Variants in SVEP1 observed in about 807,000 individuals in gnomAD.
The protein encoded by SVEP1 is sushi, von Willebrand factor type A, EGF and pentraxin domain-containing protein 1.
In SVEP1, 164 loss-of-function variants were observed where a neutral mutation model predicts 367.3. The ratio of observed to expected loss-of-function variants is 0.45; its 90% CI spans 0.39 to 0.51. The LOEUF is 0.51. SVEP1 is among the 20% of genes least tolerant of loss of function. The pLI, the probability that SVEP1 is intolerant of heterozygous loss-of-function variation, is 0.00. For missense variants in SVEP1, 4,117 were observed against 4,425.3 expected (o/e 0.93, Z 1.98); for synonymous variants, 1,666 against 1,611.6 (o/e 1.03, Z -0.81).
chr9:110,387,344 G>A lies in SVEP1; in HGVS notation c.10001C>T (p.Pro3334Leu), dbSNP rs1827541086. 1 of 1,613,028 alleles carries A rather than the reference G, an allele frequency of 6.2e-7. No homozygotes were observed. Among genetic ancestry groups the A allele is most frequent in the Non-Finnish European group, 8.5e-7 (1 of 1,179,654 alleles). ...SCNRGYSLEG[P>L]SEAHCTENGT... ...ATTTTCTGTGCAGTGTGCCTCAGAT[G>A]GCCCTTCAAGACTGTAGCCTCTGTT... Residue 3334 changes from proline to leucine, a missense_variant, in exon 42 of 48, where the codon CCA becomes CTA. Pro to Leu is a moderately conservative substitution (Grantham distance 98). This residue lies in a region of SVEP1 where 1,765 missense variants were observed against 1,781.1 expected (regional missense o/e 0.99). Transcript: ENST00000374469.
At chr9:110,548,990 T>C (rs1830252030) in intron 2 of SVEP1, among the ~76,000 whole-genome samples, 1 of 152,138 alleles carries the variant, frequency 6.6e-6, no homozygotes, top group South Asian at 2.1e-4. Context: ...GAAACTCCAG[T>C]AGAGCTAACC....
At chr9:110,412,911 G>A (rs1374966192) in intron 36 of SVEP1, among the ~76,000 whole-genome samples, 5 of 151,262 alleles carry the variant, frequency 3.3e-5, no homozygotes, top group Non-Finnish European at 5.9e-5. Flanking sequence ...GAGAGGATGT[G>A]GAGAAATAGG....
intron 1 of SVEP1, among the ~76,000 whole-genome samples, chr9:110,552,451 CATTAT>C (rs1015334910): frequency 1.3e-5 from 2 of 152,118 alleles, no homozygotes; most frequent in Non-Finnish European, 2.9e-5. Flanking sequence ...GATTCAAGCA[CATTAT>C]ATTTATTGTG....
Position 110,408,071 on chromosome 9 carries a change from G to C in SVEP1, c.7529C>G (p.Ser2510Cys). The change falls in exon 38 of 48, where the codon TCT (serine) becomes TGT (cysteine). Residue 2510 changes from serine (S) to cysteine (C), a missense_variant. Ser to Cys is a moderately radical substitution (Grantham distance 112). Transcript: ENST00000374469. ...CTGTCCATAGTGTAGGTCCGTGTAAGAGAATTTGCCATTCAAAATCTCCTT... is the reference window on the plus strand; with the variant it reads ...CTGTCCATAGTGTAGGTCCGTGTAACAGAATTTGCCATTCAAAATCTCCTT... ...KPKEILNGKF[S>C]YTDLHYGQTV... is the part of the protein sequence containing the mutation. 6.2e-7 allele frequency: 1 copy of C among 1,613,416 alleles called. No individual in the cohort carries two copies. Among genetic ancestry groups the C allele is most frequent in the Non-Finnish European group, 8.5e-7 (1 of 1,179,722 alleles).
chr9:110,488,069 G>A (rs1034357932), intron 9 of SVEP1, among the ~76,000 whole-genome samples: 4 of 152,168 alleles, frequency 2.6e-5, no homozygotes, highest in Non-Finnish European at 4.4e-5. Flanking sequence ...GGAGAGAATG[G>A]GACAAACTTC....
intron 37 of SVEP1, among the ~76,000 whole-genome samples, chr9:110,410,068 G>A (rs1487694665): frequency 8.3e-6 from 1 of 120,502 alleles, no homozygotes; most frequent in Non-Finnish European, 1.6e-5. Context: ...ATTAATAAAT[G>A]AACACCTCTC....
chr9:110,514,188 A>C (rs965783264), intron 3 of SVEP1, 82 bp from the exon 4 acceptor site: 2 of 1,519,278 alleles, frequency 1.3e-6, no homozygotes, highest in Admixed American at 3.9e-5. Flanking sequence ...TTAATATGGG[A>C]GAGAAAGCCA....
intron 10 of SVEP1, 137 bp from the exon 11 acceptor site, chr9:110,482,629 C>G: frequency 1.0e-6 from 1 of 975,724 alleles, no homozygotes; most frequent in Non-Finnish European, 1.4e-6. Context: ...CAGGCTCAAG[C>G]GATTCTCCTG....
At chr9:110,446,460 G>A (rs1453258541) in intron 25 of SVEP1, among the ~76,000 whole-genome samples, 1 of 152,182 alleles carries the variant, frequency 6.6e-6, no homozygotes, top group Non-Finnish European at 1.5e-5. Context: ...CCTATTTCAT[G>A]AGCAATTCAG....
chr9:110,541,409 T>C (rs1830143098), intron 3 of SVEP1, among the ~76,000 whole-genome samples: 7 of 152,114 alleles, frequency 4.6e-5, no homozygotes. Context: ...AAAAGTGTAT[T>C]CCACCTTTAG....
At position 110,471,357 on chromosome 9, in the gene SVEP1, G is replaced by C. The variant is rs746398464; in HGVS notation, c.2998+7C>G. ...CAAATATTTTTGATCACAGGGAACA[G>C]TCTTACCACACATACGCCCTCTCAG... On this transcript the variant is annotated splice_region_variant and intron_variant, in intron 16 of 47. Transcript: ENST00000374469. 2.5e-6 allele frequency: 4 copies of C among 1,612,474 alleles called. No homozygotes were observed. The highest frequency in any genetic ancestry group is 3.4e-6 in the Non-Finnish European group (4 of 1,178,816).
intron 1 of SVEP1, among the ~76,000 whole-genome samples, chr9:110,558,127 C>A (rs78800456): frequency 0.08 from 12,150 of 151,794 alleles, 516 homozygotes; most frequent in Non-Finnish European, 0.099. Context: ...CTAGAGAAGG[C>A]CTATGAAAAT....
intron 40 of SVEP1, among the ~76,000 whole-genome samples, chr9:110,397,278 T>C (rs1403490448): frequency 1.3e-5 from 2 of 152,230 alleles, no homozygotes; most frequent in African/African-American, 2.4e-5. Flanking sequence ...AAAAGGCCTT[T>C]GACAAAATTC....
intron 1 of SVEP1, among the ~76,000 whole-genome samples, chr9:110,557,399 G>A (rs1471450186): frequency 6.7e-6 from 1 of 149,174 alleles, no homozygotes; most frequent in East Asian, 2.2e-4. Flanking sequence ...ATTTTAATCT[G>A]TTGTTTATCT....
intron 29 of SVEP1, 98 bp from the exon 30 acceptor site, chr9:110,434,604 A>G: frequency 9.3e-7 from 1 of 1,080,242 alleles, no homozygotes; most frequent in Non-Finnish European, 1.2e-6. Flanking sequence ...AGCATTTGAG[A>G]GCCACCTTAC....
intron 3 of SVEP1, among the ~76,000 whole-genome samples, chr9:110,536,988 T>C (rs76775870): frequency 0.029 from 4,374 of 152,098 alleles, 99 homozygotes; most frequent in Non-Finnish European, 0.046. Context: ...AGTGAATGAT[T>C]GCGATGATTG....
intron 3 of SVEP1, among the ~76,000 whole-genome samples, chr9:110,531,954 T>A (rs969781573): frequency 3.3e-5 from 5 of 152,158 alleles, no homozygotes; most frequent in African/African-American, 1.2e-4. Flanking sequence ...AACTCAGCCT[T>A]CCAGATGGCT....
intron 1 of SVEP1, among the ~76,000 whole-genome samples, chr9:110,572,789 C>CAAAA (rs56077443): frequency 4.1e-4 from 31 of 76,516 alleles, no homozygotes; most frequent in East Asian, 4.0e-3. Flanking sequence ...CTCTCTCTCA[C>CAAAA]AAAAAAAAAA....
rs182713333 is a variant in SVEP1, at chr9:110,508,508, T to C, written c.1303+4418A>G. ...CGGGTGCGGTGGCTCACGCCTGTAATCCCGGCACTTTGGGAGGCTGAGGCG... is the reference window on the plus strand; with the variant it reads ...CGGGTGCGGTGGCTCACGCCTGTAACCCCGGCACTTTGGGAGGCTGAGGCG... On this transcript the variant is annotated intron_variant, in intron 5 of 47. Coordinates refer to ENST00000374469, the MANE Select transcript of SVEP1 (RefSeq NM_153366.4). Among the ~76,000 whole-genome samples the C allele has an allele frequency of 5.9e-3, 905 of 152,234 alleles. 11 individuals carry two copies. Among genetic ancestry groups the C allele is most frequent in the African/African-American group, 0.02 (841 of 41,552 alleles).
Sources: gnomAD v4.1 joint callset for allele counts (sites outside exome capture counted in the v4.1 genomes callset) on GRCh38, gnomAD v4.1.1 for gene constraint, gnomAD v4.1.1 regional missense constraint, MANE v1.5 for transcripts, NCBI Gene and HGNC (gene_info 2026-07-23, HGNC 2026-07-21) for gene names.